Variants in SMOC1 observed in about 807,000 individuals in gnomAD.
SMOC1 encodes the protein SPARC related modular calcium binding 1, also known as SPARC-related modular calcium-binding protein 1.
In SMOC1, 22 loss-of-function variants were observed where a neutral mutation model predicts 56.3. The observed-to-expected ratio is 0.39, with a 90% CI of 0.28 to 0.56. The LOEUF is 0.56. Ranked by LOEUF, SMOC1 falls within the 20% of genes least tolerant of loss-of-function variation. The pLI is 0.61. For synonymous variants in SMOC1, 193 were observed against 215.0 expected (o/e 0.90, Z 0.89); for missense variants, 509 against 565.4 (o/e 0.90, Z 1.01).
At chr14:69,921,287 C>G (rs749088209) in intron 1 of SMOC1, among the ~76,000 whole-genome samples, 1 of 152,168 alleles carries the variant, frequency 6.6e-6, no homozygotes, top group African/African-American at 2.4e-5. Context: ...GGTGGAGAGA[C>G]AGAGTGCCTG....
intron 3 of SMOC1, among the ~76,000 whole-genome samples, chr14:69,970,392 T>C (rs1594830359): frequency 6.6e-6 from 1 of 152,216 alleles, no homozygotes; most frequent in Admixed American, 6.5e-5. Context: ...TTGGGTTAGA[T>C]TGGTGACCTC....
chr14:70,030,341 G>A lies in SMOC1; in HGVS notation c.*83G>A, dbSNP rs886293554. On this transcript the variant is annotated 3_prime_UTR_variant, in exon 12 of 12. Transcript: ENST00000361956. ...CACCTAACCTTCAGCGTTGCCCATG[G>A]CCCTGCCACATCCCGTGTAACATAA... The A allele has an allele frequency of 1.9e-5, 30 of 1,546,742 alleles. No homozygotes were observed. The highest frequency in any genetic ancestry group is 2.6e-5 in the Non-Finnish European group (29 of 1,128,414).
intron 3 of SMOC1, 148 bp from the exon 4 acceptor site, chr14:69,975,567 A>G (rs1465323391): frequency 2.8e-6 from 2 of 715,284 alleles, no homozygotes; most frequent in African/African-American, 1.7e-5. Context: ...TGGACCACCC[A>G]TGAGAGACAC....
chr14:70,013,305 T>G, intron 9 of SMOC1, 81 bp from the exon 10 acceptor site: 1 of 1,279,740 alleles, frequency 7.8e-7, no homozygotes. Context: ...TTTGAGAAGT[T>G]TAGGAAAGGA....
At chr14:69,909,131 C>T (rs898532602) in intron 1 of SMOC1, among the ~76,000 whole-genome samples, 2 of 152,116 alleles carry the variant, frequency 1.3e-5, no homozygotes, top group African/African-American at 4.8e-5. Flanking sequence ...ACTCAGAAGA[C>T]AGGGACTGTC....
Position 69,957,196 on chromosome 14 carries a change from T to A in SMOC1, c.378+3664T>A, listed in dbSNP as rs372410556. On this transcript the variant is annotated intron_variant, in intron 3 of 11. Transcript: ENST00000361956. Reference sequence around the variant, plus strand: ...TGATTAACTGAAATCTCAGCTGCAGTGGAAGGGTGTTGGGCTGTCACCATC... The same window carrying A: ...TGATTAACTGAAATCTCAGCTGCAGAGGAAGGGTGTTGGGCTGTCACCATC... Among the ~76,000 whole-genome samples the A allele has an allele frequency of 3.3e-5, 5 of 152,314 alleles. No homozygotes were observed. The East Asian group carries it at 9.6e-4, about 29-fold the overall frequency.
At chr14:69,922,352 A>G (rs1884869430) in intron 1 of SMOC1, among the ~76,000 whole-genome samples, 1 of 152,158 alleles carries the variant, frequency 6.6e-6, no homozygotes, top group Non-Finnish European at 1.5e-5. Flanking sequence ...TCAGGCGTAA[A>G]GGTCTTGTGC....
At chr14:69,931,523 G>A (rs958580769) in intron 1 of SMOC1, among the ~76,000 whole-genome samples, 1 of 152,232 alleles carries the variant, frequency 6.6e-6, no homozygotes, top group Non-Finnish European at 1.5e-5. Flanking sequence ...GACAGCAGGC[G>A]CTGGGTCAAG....
At chr14:70,014,090 C>T (rs1281064889) in intron 10 of SMOC1, among the ~76,000 whole-genome samples, 6 of 152,200 alleles carry the variant, frequency 3.9e-5, no homozygotes, top group African/African-American at 1.2e-4. Context: ...CCCATTAGGC[C>T]AGTCGGTTGG....
chr14:69,914,812 T>C (rs889377663), intron 1 of SMOC1, among the ~76,000 whole-genome samples: 1 of 152,238 alleles, frequency 6.6e-6, no homozygotes, highest in Non-Finnish European at 1.5e-5. Context: ...AGTCCATTCA[T>C]GCTTCTGGTG....
chr14:69,992,127 G>C (rs1884587963), intron 5 of SMOC1, among the ~76,000 whole-genome samples: 1 of 152,150 alleles, frequency 6.6e-6, no homozygotes, highest in Non-Finnish European at 1.5e-5. Context: ...AGTCATACTG[G>C]TATCCTCAGA....
At chr14:69,896,426 G>C (rs1884100909) in intron 1 of SMOC1, among the ~76,000 whole-genome samples, 1 of 152,168 alleles carries the variant, frequency 6.6e-6, no homozygotes, top group Non-Finnish European at 1.5e-5. Flanking sequence ...TTCAAGAAAA[G>C]AAAGATATTA....
chr14:69,884,741 A>G (rs1883746933), intron 1 of SMOC1, among the ~76,000 whole-genome samples: 1 of 152,130 alleles, frequency 6.6e-6, no homozygotes, highest in Admixed American at 6.5e-5. Context: ...AGTTGTCTGT[A>G]AATGCGTGGA....
chr14:69,910,491 G>T (rs1594797387), intron 1 of SMOC1, among the ~76,000 whole-genome samples: 1 of 152,340 alleles, frequency 6.6e-6, no homozygotes, highest in African/African-American at 2.4e-5. Context: ...CAGGCAGGAG[G>T]CATGAAGCTG....
chr14:69,930,232 C>CCACCCCCCTGACAGCACCCTTCT (rs1885130660), intron 1 of SMOC1, among the ~76,000 whole-genome samples: 1 of 135,872 alleles, frequency 7.4e-6, no homozygotes, highest in African/African-American at 3.3e-5. Context: ...AGCACCCTTC[C>CCACCCCCCTGACAGCACCCTTCT]CACCTCTGCA....
chr14:69,879,908 CCT>C, intron 1 of SMOC1, 131 bp downstream of exon 1: 1 of 778,502 alleles, frequency 1.3e-6, no homozygotes, highest in Non-Finnish European at 1.9e-6. Context: ...TACCAGGTCC[CCT>C]GCGGGCTTGG....
chr14:70,010,989 G>A (rs371262272), intron 8 of SMOC1, 43 bp downstream of exon 8: 38 of 1,606,868 alleles, frequency 2.4e-5, no homozygotes, highest in Non-Finnish European at 3.1e-5. Flanking sequence ...GCACCTGCTG[G>A]CTGTTATCCA....
At chr14:70,013,359 A>G (rs1456706702) in intron 9 of SMOC1, 27 bp from the exon 10 acceptor site, 1 of 1,591,096 alleles carries the variant, frequency 6.3e-7, no homozygotes, top group East Asian at 2.2e-5. Context: ...TCTGGCATCT[A>G]CCTTCAAATC....
chr14:70,027,235 C>T (rs1885960054), intron 11 of SMOC1, among the ~76,000 whole-genome samples: 1 of 152,192 alleles, frequency 6.6e-6, no homozygotes, highest in East Asian at 1.9e-4. Flanking sequence ...ATGTGAGGTA[C>T]CACCACTGCT....
Sources: gnomAD v4.1 joint callset for allele counts (sites outside exome capture counted in the v4.1 genomes callset) on GRCh38, gnomAD v4.1.1 for gene constraint, MANE v1.5 for transcripts, NCBI Gene and HGNC (gene_info 2026-07-23, HGNC 2026-07-21) for gene names.